The following RIC1 variants were observed in gnomAD, a reference collection of about 807,000 sequenced individuals.
RIC1 encodes the protein guanine nucleotide exchange factor subunit RIC1.
RIC1 carries 88 observed loss-of-function variants against 169.0 expected under a neutral mutation model. That is an observed-to-expected ratio of 0.52 (90% CI 0.44 to 0.62). The LOEUF is 0.62. RIC1 is among the 20% of genes least tolerant of loss of function. The pLI is 0.00. For missense variants in RIC1, 1,877 were observed against 1,725.5 expected (o/e 1.09, Z -1.56); for synonymous variants, 790 against 601.5 (o/e 1.31, Z -4.59).
At chr9:5,738,167 G>T (rs1824846158) in intron 7 of RIC1, among the ~76,000 whole-genome samples, 1 of 152,046 alleles carries the variant, frequency 6.6e-6, no homozygotes, top group South Asian at 2.1e-4. Context: ...TCCTCATGTT[G>T]CTAGATAGGC....
intron 2 of RIC1, among the ~76,000 whole-genome samples, chr9:5,663,848 T>C (rs922461717): frequency 2.0e-5 from 3 of 152,222 alleles, no homozygotes; most frequent in Non-Finnish European, 4.4e-5. Context: ...GATCCTGTCA[T>C]CAAGATACTA....
At chr9:5,670,071 C>T (rs775685724) in intron 2 of RIC1, among the ~76,000 whole-genome samples, 1 of 152,172 alleles carries the variant, frequency 6.6e-6, no homozygotes, top group Non-Finnish European at 1.5e-5. Flanking sequence ...ATCAGGTCTC[C>T]AGTTAGTATG....
chr9:5,679,748 G>C lies in RIC1; in HGVS notation c.253-10211G>C, dbSNP rs575492323. On this transcript the variant is annotated intron_variant, in intron 2 of 25. Coordinates refer to ENST00000414202, the MANE Select transcript of RIC1 (RefSeq NM_020829.4). ...GCTTAAGGAGATTTTGGGCTGATAC[G>C]ATGGGGTTTTCTAGATATACAATCA... 5.1e-3 allele frequency among the ~76,000 whole-genome samples: 771 copies of C among 152,302 alleles called. 5 individuals are homozygous for C. The highest frequency in any genetic ancestry group is 8.5e-3 in the South Asian group (41 of 4,834).
chr9:5,773,465 A>T (rs181128521), intron 25 of RIC1, among the ~76,000 whole-genome samples: 93 of 152,312 alleles, frequency 6.1e-4, no homozygotes, highest in African/African-American at 2.0e-3. Flanking sequence ...TGTGAATTTA[A>T]CATTCCATGG....
At chr9:5,738,949 C>T (rs962596623) in intron 8 of RIC1, among the ~76,000 whole-genome samples, 1 of 152,064 alleles carries the variant, frequency 6.6e-6, no homozygotes, top group Non-Finnish European at 1.5e-5. Flanking sequence ...TCACTTGGCC[C>T]CTGCTACCTC....
intron 17 of RIC1, among the ~76,000 whole-genome samples, chr9:5,759,195 T>A (rs994300912): frequency 1.3e-5 from 2 of 152,174 alleles, no homozygotes; most frequent in African/African-American, 4.8e-5. Context: ...TGAAAAAAAG[T>A]GACAATTTAA....
intron 8 of RIC1, 115 bp downstream of exon 8, chr9:5,738,653 G>T (rs1333348620): frequency 3.7e-6 from 2 of 543,628 alleles, no homozygotes; most frequent in Non-Finnish European, 6.0e-6. Context: ...GTCAAATATT[G>T]GGGCTCTGGG....
chr9:5,636,008 G>A (rs758399916), intron 1 of RIC1, among the ~76,000 whole-genome samples: 1 of 152,230 alleles, frequency 6.6e-6, no homozygotes, highest in African/African-American at 2.4e-5. Flanking sequence ...CAGCTTTGTT[G>A]TTCTTTCTCA....
chr9:5,701,218 G>A lies in RIC1; in HGVS notation c.332+11180G>A, dbSNP rs1363611291. Among the ~76,000 whole-genome samples the A allele has an allele frequency of 2.0e-5, 3 of 152,296 alleles. No homozygotes were observed. In the East Asian group the frequency reaches 5.8e-4, roughly 29 times the overall value. On this transcript the variant is annotated intron_variant, in intron 3 of 25. Coordinates refer to ENST00000414202, the MANE Select transcript of RIC1 (RefSeq NM_020829.4). ...TGTTTTTTTTCTTTCATGAGTGGAT[G>A]TGTACATAGCACTCCTGATGGAGAT...
intron 1 of RIC1, among the ~76,000 whole-genome samples, chr9:5,637,563 CT>C (rs1306511689): frequency 2.0e-5 from 3 of 152,158 alleles, no homozygotes; most frequent in Non-Finnish European, 2.9e-5. Context: ...TACTCATTCT[CT>C]TTTTTTGTAC....
At chr9:5,729,251 T>G (rs1824207241) in intron 6 of RIC1, among the ~76,000 whole-genome samples, 1 of 152,148 alleles carries the variant, frequency 6.6e-6, no homozygotes. Context: ...GTTTTGTTTT[T>G]CTCCAAAGAA....
At chr9:5,694,506 C>A (rs1429902726) in intron 3 of RIC1, among the ~76,000 whole-genome samples, 2 of 152,200 alleles carry the variant, frequency 1.3e-5, no homozygotes, top group Non-Finnish European at 2.9e-5. Flanking sequence ...TGTTTATATT[C>A]TGTAAATGTA....
chr9:5,760,465 A>C (rs1826257965), intron 17 of RIC1, among the ~76,000 whole-genome samples: 1 of 152,212 alleles, frequency 6.6e-6, no homozygotes, highest in African/African-American at 2.4e-5. Flanking sequence ...ACCATCTTAA[A>C]ACTTAAGGTA....
At chr9:5,715,349 A>AG (rs1228685018) in intron 4 of RIC1, among the ~76,000 whole-genome samples, 1 of 152,170 alleles carries the variant, frequency 6.6e-6, no homozygotes, top group African/African-American at 2.4e-5. Flanking sequence ...AGAGCCAAAA[A>AG]GAAAAAAAAA....
At chr9:5,765,328 G>C (rs376037206) in intron 19 of RIC1, 86 bp from the exon 20 acceptor site, 10 of 1,411,524 alleles carry the variant, frequency 7.1e-6, no homozygotes, top group South Asian at 4.1e-5. Flanking sequence ...TACATTCTTT[G>C]AGTTTAGAAA....
chr9:5,714,780 G>C (rs779382410), intron 4 of RIC1, among the ~76,000 whole-genome samples: 1 of 152,140 alleles, frequency 6.6e-6, no homozygotes, highest in African/African-American at 2.4e-5. Context: ...TTTTCTGGAA[G>C]AATACATAAG....
Position 5,743,707 on chromosome 9 carries a change from CA to C in RIC1, c.1071del (p.Asp358IlefsTer8). 3.7e-6 allele frequency: 6 copies of C among 1,609,140 alleles called. No individual in the cohort carries two copies. Among genetic ancestry groups the C allele is most frequent in the African/African-American group, 1.3e-5 (1 of 74,772 alleles). On this transcript the variant is annotated frameshift_variant, in exon 10 of 26. Transcript: ENST00000414202. LOFTEE classifies it high-confidence loss of function. ...GTTTCAGTTATAGGTCTGATGGCAC[CA>C]AAAAAGATCCCCTTAAGATCAACTC... ...GDFAYRSDGT[K>X]KDPLKINSMS...
At chr9:5,760,139 C>A (rs550933170) in intron 17 of RIC1, among the ~76,000 whole-genome samples, 2 of 152,260 alleles carry the variant, frequency 1.3e-5, no homozygotes, top group African/African-American at 4.8e-5. Flanking sequence ...ACAGTGAAAA[C>A]TCTTCAACAG....
chr9:5,732,915 G>A (rs554967706), intron 7 of RIC1, among the ~76,000 whole-genome samples: 17 of 152,028 alleles, frequency 1.1e-4, no homozygotes, highest in African/African-American at 3.6e-4. Flanking sequence ...TCTTGCCTTA[G>A]TTTATTAAAT....
Sources: allele counts gnomAD v4.1 joint callset (sites outside exome capture counted in the v4.1 genomes callset), GRCh38; gene constraint gnomAD v4.1.1; transcripts MANE v1.5; gene names NCBI Gene and HGNC (gene_info 2026-07-23, HGNC 2026-07-21).